The following DYNC2I1 variants were observed in gnomAD, a reference collection of about 807,000 sequenced individuals.
DYNC2I1 encodes dynein 2 intermediate chain 1.
DYNC2I1 carries 89 observed loss-of-function variants against 133.4 expected under a neutral mutation model. The ratio of observed to expected loss-of-function variants is 0.67; its 90% CI spans 0.56 to 0.80. DYNC2I1 has a LOEUF of 0.80. Among genes scored for constraint, DYNC2I1 ranks in the 30% least tolerant of loss-of-function variants. The pLI, the probability that DYNC2I1 is intolerant of heterozygous loss-of-function variation, is 0.00. For missense variants in DYNC2I1, 1,291 were observed against 1,314.5 expected (o/e 0.98, Z 0.28); for synonymous variants, 504 against 484.3 (o/e 1.04, Z -0.54).
chr7:158,874,329 C>A (rs997296299), intron 3 of DYNC2I1, among the ~76,000 whole-genome samples: 1 of 151,958 alleles, frequency 6.6e-6, no homozygotes, highest in Non-Finnish European at 1.5e-5. Context: ...TGCCTCAGCC[C>A]CCTGAGTAGC....
chr7:158,848,922 CAA>C, the DYNC2I1 span, among the ~76,000 whole-genome samples: 140 of 140,364 alleles, frequency 1.0e-3, 1 homozygote, highest in Non-Finnish European at 1.5e-3. Context: ...GACTCCGTTT[CAA>C]AAAAAAAAAA....
intron 7 of DYNC2I1, among the ~76,000 whole-genome samples, chr7:158,888,093 C>G (rs1046551820): frequency 7.1e-6 from 1 of 140,750 alleles, no homozygotes. Flanking sequence ...GGCACGATCT[C>G]GGCTCACTGC....
chr7:158,882,243 A>C (rs1585020280), intron 5 of DYNC2I1, among the ~76,000 whole-genome samples: 1 of 152,194 alleles, frequency 6.6e-6, no homozygotes, highest in African/African-American at 2.4e-5. Context: ...TATGGTGCTT[A>C]TGTTGTGTTG....
chr7:158,854,725 T>C (rs1331125370), upstream of DYNC2I1, among the ~76,000 whole-genome samples: 1 of 152,216 alleles, frequency 6.6e-6, no homozygotes, highest in African/African-American at 2.4e-5. Flanking sequence ...CGACCAGGAA[T>C]GGACAAGGAC....
chr7:158,924,311 G>A (rs1348016905), intron 17 of DYNC2I1, among the ~76,000 whole-genome samples: 1 of 152,252 alleles, frequency 6.6e-6, no homozygotes, highest in Non-Finnish European at 1.5e-5. Context: ...TCACGCTGAC[G>A]ACATGGTCGG....
intron 13 of DYNC2I1, among the ~76,000 whole-genome samples, chr7:158,913,495 G>A (rs1847696754): frequency 6.6e-6 from 1 of 152,118 alleles, no homozygotes; most frequent in Admixed American, 6.6e-5. Flanking sequence ...TTGCAAAAAT[G>A]TTCCATCAAT....
At chr7:158,853,139 G>C (rs2129475202), upstream of DYNC2I1, among the ~76,000 whole-genome samples, 1 of 152,294 alleles carries the variant, frequency 6.6e-6, no homozygotes, top group African/African-American at 2.4e-5. Context: ...GCAATGCTAT[G>C]GAACAAAACA....
intron 15 of DYNC2I1, among the ~76,000 whole-genome samples, chr7:158,920,350 AGTG>A (rs1848931075): frequency 6.6e-6 from 1 of 150,596 alleles, no homozygotes; most frequent in African/African-American, 2.5e-5. Context: ...GAACACATGA[AGTG>A]TGTGTGTGTA....
intron 5 of DYNC2I1, among the ~76,000 whole-genome samples, chr7:158,881,075 G>A (rs1585015449): frequency 6.6e-6 from 1 of 152,248 alleles, no homozygotes; most frequent in Admixed American, 6.5e-5. Context: ...AAACGCGAAT[G>A]CCAGTGGGTT....
rs745978023 is a variant in DYNC2I1, at chr7:158,906,084, A to G, written c.1453A>G (p.Lys485Glu). ...TCAAAAGAGTCGGACTCAGGCCCTT[A>G]AGCAAAAGTAGGTGTATTGGGAAAG... ...HRQKSRTQAL[K>E]QKMRSTKLLR... Residue 485 changes from lysine to glutamate, a missense_variant, in exon 11 of 25, where the codon AAG becomes GAG. Coordinates refer to ENST00000407559, the MANE Select transcript of DYNC2I1 (RefSeq NM_018051.5). 3.1e-6 allele frequency: 5 copies of G among 1,613,368 alleles called. No individual in the cohort carries two copies. Among genetic ancestry groups the G allele is most frequent in the East Asian group, 2.2e-5 (1 of 44,886 alleles).
chr7:158,945,819 G>T lies in DYNC2I1; in HGVS notation c.*40G>T. The T allele has an allele frequency of 6.8e-7, 1 of 1,469,474 alleles. No homozygotes were observed. Among genetic ancestry groups the T allele is most frequent in the Non-Finnish European group, 9.0e-7 (1 of 1,108,672 alleles). 91.0% of individuals were successfully genotyped at this position (1,469,474 alleles called of 1,614,324 possible). ...AGGACCGCGTTTCTGTAATGACCCAGATTTAAAAGACATAAGGTGGATAAT... is the reference window on the plus strand; with the variant it reads ...AGGACCGCGTTTCTGTAATGACCCATATTTAAAAGACATAAGGTGGATAAT... On this transcript the variant is annotated 3_prime_UTR_variant, in exon 25 of 25. Coordinates refer to ENST00000407559, the MANE Select transcript of DYNC2I1 (RefSeq NM_018051.5). The surrounding 1 kb of genome is among the most constrained non-coding windows in gnomAD (Gnocchi z 4.1).
At chr7:158,873,813 G>A (rs1290134388) in intron 3 of DYNC2I1, among the ~76,000 whole-genome samples, 10 of 151,154 alleles carry the variant, frequency 6.6e-5, no homozygotes, top group African/African-American at 2.4e-4. Context: ...CTGGAGTGAA[G>A]AGGCGCGATC....
At chr7:158,850,057 G>A in the DYNC2I1 span, among the ~76,000 whole-genome samples, 3 of 152,230 alleles carry the variant, frequency 2.0e-5, no homozygotes, top group Non-Finnish European at 2.9e-5. Flanking sequence ...TGGAGCAGGC[G>A]CTAGGAGCAG....
chr7:158,926,391 G>A lies in DYNC2I1; in HGVS notation c.2372-11G>A. 1 of 1,610,888 alleles carries A rather than the reference G, an allele frequency of 6.2e-7. No individual in the cohort carries two copies. Among genetic ancestry groups the A allele is most frequent in the Non-Finnish European group, 8.5e-7 (1 of 1,178,382 alleles). On this transcript the variant is annotated splice_polypyrimidine_tract_variant and intron_variant, in intron 18 of 24. Coordinates refer to ENST00000407559, the MANE Select transcript of DYNC2I1 (RefSeq NM_018051.5). The stretch of plus-strand genomic sequence containing the variant: ...AAGCCATTTCTTTCTTTTTGTTTCT[G>A]TCTTCATCAGAAATGTCAGGTTTGT...
the DYNC2I1 span, among the ~76,000 whole-genome samples, chr7:158,842,881 T>C: frequency 6.6e-6 from 1 of 152,226 alleles, no homozygotes. Context: ...GTATCTGTAT[T>C]TTCTGTCTAC....
At chr7:158,840,858 C>T in the DYNC2I1 span, among the ~76,000 whole-genome samples, 2 of 151,980 alleles carry the variant, frequency 1.3e-5, no homozygotes, top group South Asian at 2.1e-4. Flanking sequence ...GAGAGAGCTC[C>T]GTGCTTCATC....
intron 1 of DYNC2I1, among the ~76,000 whole-genome samples, chr7:158,868,507 G>A (rs930292502): frequency 3.9e-5 from 6 of 152,338 alleles, no homozygotes; most frequent in South Asian, 4.1e-4. Context: ...GGAGCTGGAC[G>A]GTGTTTTTGG....
intron 8 of DYNC2I1, among the ~76,000 whole-genome samples, chr7:158,891,942 C>T (rs758685900): frequency 2.1e-5 from 3 of 143,552 alleles, no homozygotes; most frequent in African/African-American, 5.0e-5. Context: ...GAATTGCGGA[C>T]GGGGCCTCTG....
chr7:158,869,514 G>C, intron 1 of DYNC2I1: 1 of 480,516 alleles, frequency 2.1e-6, no homozygotes, highest in South Asian at 1.5e-5. Context: ...GGCTGTTTTT[G>C]GAAAATACAG....
Sources: allele counts gnomAD v4.1 joint callset (sites outside exome capture counted in the v4.1 genomes callset), GRCh38; gene constraint gnomAD v4.1.1; non-coding constraint Gnocchi (gnomAD v3.1); transcripts MANE v1.5; gene names NCBI Gene and HGNC (gene_info 2026-07-23, HGNC 2026-07-21).